NANP: variants seen among roughly 807,000 people sequenced by gnomAD.
NANP encodes N-acetylneuraminic acid phosphatase.
NANP carries 15 observed loss-of-function variants against 16.9 expected under a neutral mutation model. That is an observed-to-expected ratio of 0.89 (90% CI 0.59 to 1.37). The LOEUF is 1.37. NANP is among the 40% of genes most tolerant of loss of function. NANP has a pLI of 0.00. For synonymous variants in NANP, 135 were observed against 112.6 expected (o/e 1.20, Z -1.26); for missense variants, 290 against 303.5 (o/e 0.96, Z 0.33).
Position 25,615,892 on chromosome 20 carries a change from T to G in NANP, c.*33A>C. ...CTTATTTCATACTCAGCAAATTGAT[T>G]CTAACATTCATAATCATGCCCTTTT... On this transcript the variant is annotated 3_prime_UTR_variant, in exon 2 of 2. Coordinates refer to ENST00000304788, the MANE Select transcript of NANP (RefSeq NM_152667.3). 1 of 1,553,386 alleles carries G rather than the reference T, an allele frequency of 6.4e-7. No homozygotes were observed. The highest frequency in any genetic ancestry group is 8.7e-7 in the Non-Finnish European group (1 of 1,150,222).
intron 1 of NANP, among the ~76,000 whole-genome samples, chr20:25,622,910 A>C (rs1174576200): frequency 6.6e-6 from 1 of 152,230 alleles, no homozygotes; most frequent in African/African-American, 2.4e-5. Context: ...GAATAGCCCA[A>C]AGGGAGGCAT....
rs2065340083 is a variant in NANP, at chr20:25,615,689, C to T, written c.*236G>A. The T allele has an allele frequency of 2.2e-6, 1 of 459,112 alleles. No homozygotes were observed. The highest frequency in any genetic ancestry group is 4.4e-5 in the South Asian group (1 of 22,942). The allele number at this position is 459,112 out of a possible 1,614,324, so 28.4% of individuals were successfully genotyped here. A position where few individuals can be genotyped will look rare whatever the true frequency, so the allele number is the denominator to read the frequency against. On this transcript the variant is annotated 3_prime_UTR_variant, in exon 2 of 2. Coordinates refer to ENST00000304788, the MANE Select transcript of NANP (RefSeq NM_152667.3). The stretch of plus-strand genomic sequence containing the variant: ...AATATATTTCCTTAAATTTTCTGGG[C>T]TATACTACTGACCTGAATTCATGCA...
rs6037158 is a variant in NANP, at chr20:25,614,830, C to A, written c.*1095G>T. 0.57 allele frequency: 86,503 copies of A among 151,680 alleles called. 26,168 individuals are homozygous for A. Among genetic ancestry groups the A allele is most frequent in the East Asian group, 0.98 (5,072 of 5,166 alleles). 9.4% of individuals were successfully genotyped at this position (151,680 alleles called of 1,614,324 possible). A position where few individuals can be genotyped will look rare whatever the true frequency, so the allele number is the denominator to read the frequency against. ...TGGCAAAATCCCATCTCTACAAAAA[C>A]ACACATTAGCTGGGCGTGGTAGTGT... On this transcript the variant is annotated 3_prime_UTR_variant, in exon 2 of 2. Transcript: ENST00000304788.
At position 25,623,906 on chromosome 20, in the gene NANP, T is replaced by G. The variant is rs753559416; in HGVS notation, c.43A>C (p.Asn15His). 1 of 1,613,462 alleles carries G rather than the reference T, an allele frequency of 6.2e-7. No homozygotes were observed. Residue 15 changes from asparagine (N) to histidine (H), a missense_variant, in exon 1 of 2, where the codon AAC becomes CAC. Coordinates refer to ENST00000304788, the MANE Select transcript of NANP (RefSeq NM_152667.3). Reference protein sequence around the residue: ...RVRAVFFDLDNTLIDTAGASR... With the variant: ...RVRAVFFDLDHTLIDTAGASR... ...GCCCCGGCCGTGTCGATGAGAGTGT[T>G]GTCCAAGTCAAAGAAAACCGCCCGC...
At chr20:25,623,082 CT>C (rs1208156153) in intron 1 of NANP, among the ~76,000 whole-genome samples, 1 of 152,194 alleles carries the variant, frequency 6.6e-6, no homozygotes, top group African/African-American at 2.4e-5. Context: ...GATGAATTAG[CT>C]TTTGAAAGTG....
intron 1 of NANP, among the ~76,000 whole-genome samples, chr20:25,619,685 T>C (rs1351835602): frequency 6.6e-6 from 1 of 152,206 alleles, no homozygotes; most frequent in Non-Finnish European, 1.5e-5. Context: ...GCAACATCAA[T>C]TGAAGGACTC....
At chr20:25,620,600 T>A (rs898538786) in intron 1 of NANP, among the ~76,000 whole-genome samples, 2 of 152,212 alleles carry the variant, frequency 1.3e-5, no homozygotes, top group Non-Finnish European at 2.9e-5. Context: ...TTCTGAATAC[T>A]AATCATTTGG....
At position 25,617,654 on chromosome 20, in the gene NANP, C is replaced by G. The variant is rs183741684; in HGVS notation, c.91-1073G>C. ...GCTTCAGCCTCCCGCGTAGGTGAGACTATAGGTGCCCGCCACCATGCCTGG... is the reference window on the plus strand; with the variant it reads ...GCTTCAGCCTCCCGCGTAGGTGAGAGTATAGGTGCCCGCCACCATGCCTGG... On this transcript the variant is annotated intron_variant, in intron 1 of 1. Transcript: ENST00000304788. 1.6e-3 allele frequency among the ~76,000 whole-genome samples: 241 copies of G among 151,940 alleles called. 1 individual carries two copies. Among genetic ancestry groups the G allele is most frequent in the African/African-American group, 5.5e-3 (227 of 41,448 alleles).
chr20:25,615,715 A>G lies in NANP; in HGVS notation c.*210T>C, dbSNP rs1020817131. 10 of 529,860 alleles carry G rather than the reference A, an allele frequency of 1.9e-5. No homozygotes were observed. Among genetic ancestry groups the G allele is most frequent in the Non-Finnish European group, 2.9e-5 (9 of 306,112 alleles). The allele number at this position is 529,860 out of a possible 1,614,324, so 32.8% of individuals were successfully genotyped here. A position where few individuals can be genotyped will look rare whatever the true frequency, so the allele number is the denominator to read the frequency against. On this transcript the variant is annotated 3_prime_UTR_variant, in exon 2 of 2. Coordinates refer to ENST00000304788, the MANE Select transcript of NANP (RefSeq NM_152667.3). ...TATACTACTGACCTGAATTCATGCA[A>G]TCTGAATTTTCAGATATAAGTACCA...
At chr20:25,616,626 G>C (rs2065345198) in intron 1 of NANP, 45 bp from the exon 2 acceptor site, 1 of 1,421,296 alleles carries the variant, frequency 7.0e-7, no homozygotes. Flanking sequence ...CATGTCTTTA[G>C]TAGTCATGCC....
At position 25,620,436 on chromosome 20, in the gene NANP, C is replaced by T. The variant is rs537571768; in HGVS notation, c.90+3423G>A. ...TTTTAAGGCTCTCTCTGAACGTATA[C>T]GAAAAAGGAAACTCTATTCTTCTGT... On this transcript the variant is annotated intron_variant, in intron 1 of 1. Transcript: ENST00000304788. Among the ~76,000 whole-genome samples, 10 of 152,172 alleles carry T rather than the reference C, an allele frequency of 6.6e-5. 1 individual carries two copies. Among genetic ancestry groups the T allele is most frequent in the South Asian group, 2.1e-4 (1 of 4,822 alleles).
In NANP at chr20:25,616,207, A is replaced by G; in HGVS notation, c.465T>C (p.Val155=). 8.1e-6 allele frequency: 13 copies of G among 1,614,056 alleles called. No homozygotes were observed. The highest frequency in any genetic ancestry group is 1.1e-5 in the Non-Finnish European group (13 of 1,179,978). Residue 155 remains valine, a synonymous_variant, in exon 2 of 2, where the codon GTT becomes GTC. Coordinates refer to ENST00000304788, the MANE Select transcript of NANP (RefSeq NM_152667.3). ...TCTCCTCTCTCTGCTCTCCACCTAC[A>G]ACAACAGCGTCAAAATAGGACTGAC... The part of the protein sequence containing the change: ...CACQSYFDAV[V]VGGEQREEKP...
chr20:25,615,027 C>A lies in NANP; in HGVS notation c.*898G>T, dbSNP rs937449208. 3.3e-5 allele frequency: 5 copies of A among 152,028 alleles called. No homozygotes were observed. The highest frequency in any genetic ancestry group is 1.2e-4 in the African/African-American group (5 of 41,390). 9.4% of individuals were successfully genotyped at this position (152,028 alleles called of 1,614,324 possible). On this transcript the variant is annotated 3_prime_UTR_variant, in exon 2 of 2. Transcript: ENST00000304788. The stretch of plus-strand genomic sequence containing the variant: ...TTGGGGGCTGCATTGTTAGGCTACA[C>A]TGAGGAAATGTTCCTCTTATGGATC...
intron 1 of NANP, 94 bp downstream of exon 1, chr20:25,623,765 C>T (rs2065378095): frequency 8.1e-7 from 1 of 1,235,168 alleles, no homozygotes; most frequent in Non-Finnish European, 1.1e-6. Flanking sequence ...CCCGCGGCGC[C>T]GGGGTGGAAG....
chr20:25,618,142 C>T (rs1319038837), intron 1 of NANP, among the ~76,000 whole-genome samples: 2 of 137,244 alleles, frequency 1.5e-5, no homozygotes, highest in African/African-American at 2.8e-5. Context: ...TGGCCTTTGT[C>T]GTTGAGGCAT....
Position 25,613,680 on chromosome 20 carries a change from G to C in NANP, c.*2245C>G, listed in dbSNP as rs1015643963. Reference sequence around the variant, plus strand: ...TCTTCCCTAAGGAAGGGTGCAAATGGAATGTAATACATTACTGTACTCTGT... The same window carrying C: ...TCTTCCCTAAGGAAGGGTGCAAATGCAATGTAATACATTACTGTACTCTGT... On this transcript the variant is annotated 3_prime_UTR_variant, in exon 2 of 2. Coordinates refer to ENST00000304788, the MANE Select transcript of NANP (RefSeq NM_152667.3). The C allele has an allele frequency of 2.5e-6, 1 of 397,522 alleles. No individual in the cohort carries two copies. The highest frequency in any genetic ancestry group is 4.4e-6 in the Non-Finnish European group (1 of 225,770). 24.6% of individuals were successfully genotyped at this position (397,522 alleles called of 1,614,324 possible).
rs1228698743 is a variant in NANP, at chr20:25,613,856, CA to C, written c.*2068del. The C allele has an allele frequency of 1.8e-5, 7 of 398,574 alleles. No individual in the cohort carries two copies. The highest frequency in any genetic ancestry group is 3.1e-5 in the Non-Finnish European group (7 of 226,056). 24.7% of individuals were successfully genotyped at this position (398,574 alleles called of 1,614,324 possible). The stretch of plus-strand genomic sequence containing the variant: ...AGGAGTGATGAACCTTCACTCTCAG[CA>C]TAATGAATGTGACACTGCCTACATC... On this transcript the variant is annotated 3_prime_UTR_variant, in exon 2 of 2. Coordinates refer to ENST00000304788, the MANE Select transcript of NANP (RefSeq NM_152667.3).
rs1403771377 is a variant in NANP at position 25,614,246 on chromosome 20, T to A, written c.*1679A>T. ...AGATAGGTACAATCTACAATTTGAT[T>A]CTCTGAGTATTAGTCTTGAAGACAT... On this transcript the variant is annotated 3_prime_UTR_variant, in exon 2 of 2. Coordinates refer to ENST00000304788, the MANE Select transcript of NANP (RefSeq NM_152667.3). 1 of 163,096 alleles carries A rather than the reference T, an allele frequency of 6.1e-6. No homozygotes were observed. Among genetic ancestry groups the A allele is most frequent in the East Asian group, 1.7e-4 (1 of 5,810 alleles). The allele number at this position is 163,096 out of a possible 1,614,324, so 10.1% of individuals were successfully genotyped here. A position where few individuals can be genotyped will look rare whatever the true frequency, so the allele number is the denominator to read the frequency against.
At chr20:25,621,220 A>G (rs973857060) in intron 1 of NANP, among the ~76,000 whole-genome samples, 5 of 152,338 alleles carry the variant, frequency 3.3e-5, no homozygotes, top group Middle Eastern at 6.8e-3. Flanking sequence ...ATGAGGCCAA[A>G]TCTGACCAGT....
Sources: gnomAD v4.1 joint callset for allele counts (sites outside exome capture counted in the v4.1 genomes callset) on GRCh38, gnomAD v4.1.1 for gene constraint, MANE v1.5 for transcripts, NCBI Gene and HGNC (gene_info 2026-07-23, HGNC 2026-07-21) for gene names.